MRAP2: variants seen among roughly 807,000 people sequenced by gnomAD.
The protein encoded by MRAP2 is melanocortin 2 receptor accessory protein 2, also known as melanocortin-2 receptor accessory protein 2.
A neutral mutation model predicts 17.4 loss-of-function variants in MRAP2; 20 were observed. The observed-to-expected ratio is 1.15, with a 90% CI of 0.81 to 1.67. The LOEUF is 1.67. Ranked by LOEUF, MRAP2 falls within the 40% of genes most tolerant of loss-of-function variation. The probability of loss-of-function intolerance (pLI) is 0.00; values close to 1 mark genes in which losing one functional copy is unlikely to be tolerated. For missense variants in MRAP2, 238 were observed against 240.0 expected, an observed-to-expected ratio of 0.99 and a Z score of 0.05; for synonymous variants, 96 against 88.4, an observed-to-expected ratio of 1.09 and a Z score of -0.48.
At chr6:84,122,507 C>A in the MRAP2 span, among the ~76,000 whole-genome samples, 1 of 152,062 alleles carries the variant, frequency 6.6e-6, no homozygotes, top group African/African-American at 2.4e-5. Context: ...GATGCAGAGA[C>A]AAACACCAGA....
the MRAP2 span, among the ~76,000 whole-genome samples, chr6:84,112,784 G>A: frequency 6.6e-6 from 1 of 152,148 alleles, no homozygotes; most frequent in Non-Finnish European, 1.5e-5. Flanking sequence ...GTGTCCCAGA[G>A]ATTCTGGTAC....
chr6:84,085,236 A>G (rs2099500116), intron 3 of MRAP2, among the ~76,000 whole-genome samples: 1 of 151,936 alleles, frequency 6.6e-6, no homozygotes, highest in African/African-American at 2.4e-5. Flanking sequence ...TTGTATTTTT[A>G]GTAGAGAAGG....
At chr6:84,062,539 CTTGAG>C (rs1377306398) in intron 2 of MRAP2, 3 of 985,022 alleles carry the variant, frequency 3.0e-6, no homozygotes, top group Non-Finnish European at 3.6e-6. Context: ...GCACTTAAAA[CTTGAG>C]TTGATAGTCT....
chr6:84,122,536 C>T, the MRAP2 span, among the ~76,000 whole-genome samples: 1 of 152,012 alleles, frequency 6.6e-6, no homozygotes, highest in African/African-American at 2.4e-5. Context: ...AATATCCCTT[C>T]ATGATGAACA....
At chr6:84,080,137 C>T (rs984189152) in intron 3 of MRAP2, among the ~76,000 whole-genome samples, 2 of 151,992 alleles carry the variant, frequency 1.3e-5, no homozygotes, top group Non-Finnish European at 2.9e-5. Flanking sequence ...GGGTTCACGC[C>T]ATTCTTCTGC....
downstream of MRAP2, among the ~76,000 whole-genome samples, chr6:84,094,752 C>T (rs549440936): frequency 3.3e-5 from 5 of 151,856 alleles, no homozygotes; most frequent in South Asian, 8.3e-4. Context: ...AGTGCAGTGG[C>T]GTGATCTCGG....
intron 1 of MRAP2, 26 bp from the exon 2 acceptor site, chr6:84,055,286 G>A (rs1167414564): frequency 6.9e-6 from 11 of 1,597,990 alleles, no homozygotes; most frequent in African/African-American, 1.4e-5. Context: ...AACAGGTTCT[G>A]CGCTTGACTT....
At chr6:84,056,221 T>C (rs1022308081) in intron 2 of MRAP2, among the ~76,000 whole-genome samples, 3 of 152,234 alleles carry the variant, frequency 2.0e-5, no homozygotes, top group Admixed American at 1.3e-4. Flanking sequence ...TTTTATGCTC[T>C]TAACTGGTCC....
chr6:84,034,098 T>A (rs561742421), intron 1 of MRAP2, among the ~76,000 whole-genome samples: 2 of 151,864 alleles, frequency 1.3e-5, no homozygotes, highest in Non-Finnish European at 2.9e-5. Context: ...GTTTAAAACC[T>A]TCCCGGCAGC....
chr6:84,135,541 C>A, the MRAP2 span, among the ~76,000 whole-genome samples: 1 of 152,246 alleles, frequency 6.6e-6, no homozygotes, highest in East Asian at 1.9e-4. Flanking sequence ...TAAACTGAAC[C>A]ACAAAATTAT....
downstream of MRAP2, among the ~76,000 whole-genome samples, chr6:84,093,424 A>T (rs375271230): frequency 6.6e-5 from 10 of 152,220 alleles, no homozygotes; most frequent in East Asian, 1.9e-3. Context: ...ACAGGACCCT[A>T]AAATGAGGGT....
the MRAP2 span, among the ~76,000 whole-genome samples, chr6:84,099,951 C>G: frequency 4.0e-5 from 6 of 151,808 alleles, no homozygotes; most frequent in Non-Finnish European, 8.8e-5. Context: ...AACTCCACCT[C>G]TTGGGTTCAA....
In MRAP2 at chr6:84,055,332, G is replaced by A. The variant is rs1445844893; in HGVS notation, c.14G>A (p.Arg5Lys). Residue 5 changes from arginine to lysine, a missense_variant, in exon 2 of 4, where the codon AGG becomes AAG. By Grantham distance (26) the Arg-to-Lys change is conservative. Coordinates refer to ENST00000257776, the MANE Select transcript of MRAP2 (RefSeq NM_138409.4). ...TGCAGGTCGGAGATGTCCGCCCAGA[G>A]GTTAATTTCTAACAGAACCTCCCAG... MSAQ[R>K]LISNRTSQQS... The A allele has an allele frequency of 6.2e-7, 1 of 1,613,446 alleles. No individual in the cohort carries two copies. Among genetic ancestry groups the A allele is most frequent in the African/African-American group, 1.3e-5 (1 of 74,962 alleles).
chr6:84,068,385 T>A lies in MRAP2; in HGVS notation c.227+5393T>A, dbSNP rs181956088. Among the ~76,000 whole-genome samples, 19 of 152,290 alleles carry A rather than the reference T, an allele frequency of 1.2e-4. No individual in the cohort carries two copies. In the East Asian group the frequency reaches 3.7e-3, roughly 29 times the overall value. ...GTTATGCAAGCTCTTTTTTGTTCCA[T>A]ATGAATTTTAGAATTATTTTTGCTA... On this transcript the variant is annotated intron_variant, in intron 3 of 3. Coordinates refer to ENST00000257776, the MANE Select transcript of MRAP2 (RefSeq NM_138409.4).
chr6:84,057,551 T>C, intron 2 of MRAP2, among the ~76,000 whole-genome samples: 1 of 152,194 alleles, frequency 6.6e-6, no homozygotes. Flanking sequence ...TTAAACCTTA[T>C]CATGTATCAG....
chr6:84,053,626 T>C (rs1031869606), intron 1 of MRAP2, among the ~76,000 whole-genome samples: 1 of 152,182 alleles, frequency 6.6e-6, no homozygotes, highest in African/African-American at 2.4e-5. Flanking sequence ...AAGCGAGGCT[T>C]TTCTATTCAA....
intron 1 of MRAP2, chr6:84,045,350 T>G: frequency 1.0e-6 from 1 of 985,340 alleles, no homozygotes. Flanking sequence ...GAAACCCTTA[T>G]GAAGGCCCTG....
At chr6:84,063,334 A>G in intron 3 of MRAP2, 1 of 985,262 alleles carries the variant, frequency 1.0e-6, no homozygotes, top group Non-Finnish European at 1.2e-6. Flanking sequence ...GATTCACCAT[A>G]TTAAAAACAG....
At chr6:84,117,912 G>A in the MRAP2 span, among the ~76,000 whole-genome samples, 2 of 152,160 alleles carry the variant, frequency 1.3e-5, no homozygotes, top group African/African-American at 2.4e-5. Flanking sequence ...TGTAGGAGGT[G>A]GCTGGAGAAC....
Sources: gnomAD v4.1 joint callset for allele counts (sites outside exome capture counted in the v4.1 genomes callset) on GRCh38, gnomAD v4.1.1 for gene constraint, MANE v1.5 for transcripts, NCBI Gene and HGNC (gene_info 2026-07-23, HGNC 2026-07-21) for gene names.